The following NLGN4X variants were observed in gnomAD, a reference collection of about 807,000 sequenced individuals.
The protein encoded by NLGN4X is neuroligin-4, X-linked.
Under a neutral mutation model 40.3 loss-of-function variants are expected in NLGN4X, and 3 were observed. That is an observed-to-expected ratio of 0.07 (90% confidence interval 0.03 to 0.19). The LOEUF (loss-of-function observed/expected upper bound fraction) is 0.19, where lower values mean the gene tolerates loss of function less well. Among genes scored for constraint, NLGN4X ranks in the 10% least tolerant of loss-of-function variants. The pLI, the probability that NLGN4X is intolerant of heterozygous loss-of-function variation, is 1.00. For missense variants in NLGN4X, 382 were observed against 708.3 expected (o/e 0.54, Z 5.23); for synonymous variants, 270 against 306.8 (o/e 0.88, Z 1.25).
chrX:6,200,264 C>T (rs752135266), intron 1 of NLGN4X, among the ~76,000 whole-genome samples: 2 of 111,810 alleles, frequency 1.8e-5, no homozygotes, highest in African/African-American at 3.3e-5. Context: ...CAGGTGAGCT[C>T]AGAGAAGAAA....
intron 3 of NLGN4X, among the ~76,000 whole-genome samples, chrX:5,930,092 G>T (rs1164882809): frequency 9.0e-6 from 1 of 111,704 alleles, no homozygotes; most frequent in African/African-American, 3.3e-5. Flanking sequence ...GAAGGTCAGA[G>T]AGAACTTTCC....
chrX:6,107,365 A>G (rs1034614605), intron 2 of NLGN4X, among the ~76,000 whole-genome samples: 31 of 111,063 alleles, frequency 2.8e-4, no homozygotes, highest in Non-Finnish European at 1.1e-4. Flanking sequence ...GCACTCCCCA[A>G]GCAGCCTGGA....
In NLGN4X at chrX:6,108,141, G is replaced by T. The variant is rs764353982; in HGVS notation, c.472+42854C>A. Reference sequence around the variant, plus strand: ...AGGAAAATACACAGTGGATCGAAATGTGCAGCCCTTACTGCCAACAAAATA... The same window carrying T: ...AGGAAAATACACAGTGGATCGAAATTTGCAGCCCTTACTGCCAACAAAATA... On this transcript the variant is annotated intron_variant, in intron 2 of 5. Transcript: ENST00000381095. Among the ~76,000 whole-genome samples the T allele has an allele frequency of 5.4e-5, 6 of 111,900 alleles. No individual in the cohort carries two copies. The South Asian group carries it at 2.2e-3, about 42-fold the overall frequency.
chrX:6,014,521 A>C (rs1569186200), intron 3 of NLGN4X, among the ~76,000 whole-genome samples: 3 of 111,761 alleles, frequency 2.7e-5, no homozygotes, highest in African/African-American at 9.8e-5. Context: ...AAAGAAACAA[A>C]TATAGATACC....
At chrX:6,185,638 T>C (rs1370111113) in intron 1 of NLGN4X, among the ~76,000 whole-genome samples, 1 of 112,364 alleles carries the variant, frequency 8.9e-6, no homozygotes, top group African/African-American at 3.2e-5. Flanking sequence ...ATGCACTTCA[T>C]TAAAAAGTTC....
chrX:5,982,718 C>T (rs1446963789), intron 3 of NLGN4X, among the ~76,000 whole-genome samples: 2 of 111,446 alleles, frequency 1.8e-5, no homozygotes, highest in Non-Finnish European at 3.8e-5. Context: ...AGTGGCCAGG[C>T]GTAGTGGCAC....
chrX:6,173,790 G>T (rs191381052), intron 1 of NLGN4X, among the ~76,000 whole-genome samples: 1 of 112,142 alleles, frequency 8.9e-6, no homozygotes, highest in East Asian at 2.8e-4. Context: ...GGTAGTGGTC[G>T]CTCACGCCTG....
At chrX:6,034,597 T>C (rs1484864392) in intron 2 of NLGN4X, among the ~76,000 whole-genome samples, 1 of 112,487 alleles carries the variant, frequency 8.9e-6, no homozygotes, top group Non-Finnish European at 1.9e-5. Flanking sequence ...ATACCTGGCA[T>C]TCTCACCAAC....
At chrX:6,177,895 G>T (rs1385821478) in intron 1 of NLGN4X, among the ~76,000 whole-genome samples, 1 of 110,119 alleles carries the variant, frequency 9.1e-6, no homozygotes, top group African/African-American at 3.3e-5. Flanking sequence ...GGAGCCTCAT[G>T]AATGGGATTA....
intron 2 of NLGN4X, among the ~76,000 whole-genome samples, chrX:6,138,499 C>T (rs1032974516): frequency 1.8e-5 from 2 of 111,749 alleles, no homozygotes; most frequent in African/African-American, 6.5e-5. Context: ...ACGTCTTTAT[C>T]GGTCAGGTTC....
At chrX:5,939,376 G>A (rs1279320152) in intron 3 of NLGN4X, among the ~76,000 whole-genome samples, 1 of 111,363 alleles carries the variant, frequency 9.0e-6, no homozygotes, top group Non-Finnish European at 1.9e-5. Flanking sequence ...CACACACACA[G>A]AAGCAGATGC....
intron 2 of NLGN4X, among the ~76,000 whole-genome samples, chrX:6,146,686 G>T (rs1204503583): frequency 2.6e-5 from 2 of 77,527 alleles, no homozygotes; most frequent in Admixed American, 1.5e-4. Flanking sequence ...TTTTTCAATT[G>T]TATTGCTAGC....
chrX:6,149,638 C>G (rs1231024741), intron 2 of NLGN4X, among the ~76,000 whole-genome samples: 2 of 111,351 alleles, frequency 1.8e-5, no homozygotes, highest in East Asian at 5.7e-4. Context: ...ACATTCAGAC[C>G]TGGACTTTAT....
chrX:5,983,714 G>C (rs755139402), intron 3 of NLGN4X, among the ~76,000 whole-genome samples: 24 of 112,065 alleles, frequency 2.1e-4, no homozygotes, highest in African/African-American at 7.1e-4. Context: ...GAGTTAGAAG[G>C]ATTGCTTGAG....
intron 2 of NLGN4X, among the ~76,000 whole-genome samples, chrX:6,034,837 T>C (rs2036962133): frequency 9.1e-6 from 1 of 110,371 alleles, no homozygotes; most frequent in South Asian, 4.0e-4. Context: ...GCCTCTCAAG[T>C]GGCTGGGACT....
chrX:5,901,325 G>A (rs775516394), intron 5 of NLGN4X, among the ~76,000 whole-genome samples: 5 of 111,877 alleles, frequency 4.5e-5, no homozygotes, highest in East Asian at 5.6e-4. Context: ...GCCTCATTCC[G>A]CACGGGAAGA....
intron 1 of NLGN4X, among the ~76,000 whole-genome samples, chrX:6,188,140 T>C (rs1028492066): frequency 1.8e-5 from 2 of 112,055 alleles, no homozygotes; most frequent in African/African-American, 6.5e-5. Context: ...TTTCCATGTA[T>C]CCACCATAGT....
At chrX:5,911,103 C>T (rs570129760) in intron 3 of NLGN4X, among the ~76,000 whole-genome samples, 9 of 111,685 alleles carry the variant, frequency 8.1e-5, no homozygotes, top group African/African-American at 1.9e-4. Flanking sequence ...ATGACAATGA[C>T]GAATCATGTC....
intron 2 of NLGN4X, chrX:6,032,801 C>A (rs961481004): frequency 1.2e-6 from 1 of 861,370 alleles, no homozygotes; most frequent in Non-Finnish European, 1.6e-6. Context: ...AATTCAAAAA[C>A]AACAGGTTTT....
Sources: gnomAD v4.1 joint callset for allele counts (sites outside exome capture counted in the v4.1 genomes callset) on GRCh38, gnomAD v4.1.1 for gene constraint, MANE v1.5 for transcripts, NCBI Gene and HGNC (gene_info 2026-07-23, HGNC 2026-07-21) for gene names.